Variants in HIPK2 observed in about 807,000 individuals in gnomAD.
HIPK2 encodes homeodomain interacting protein kinase 2.
Under a neutral mutation model 113.7 loss-of-function variants are expected in HIPK2, and 27 were observed. That is an observed-to-expected ratio of 0.24 (90% CI 0.17 to 0.33). The LOEUF is 0.33. HIPK2 is among the 10% of genes least tolerant of loss of function. The probability of loss-of-function intolerance (pLI) is 1.00; values close to 1 mark genes in which losing one functional copy is unlikely to be tolerated. For missense variants in HIPK2, 1,257 were observed against 1,588.0 expected (o/e 0.79, Z 3.54); for synonymous variants, 631 against 642.2 (o/e 0.98, Z 0.26).
intron 1 of HIPK2, among the ~76,000 whole-genome samples, chr7:139,735,904 A>G (rs968305935): frequency 6.6e-6 from 1 of 152,242 alleles, no homozygotes; most frequent in African/African-American, 2.4e-5. Flanking sequence ...TGAAAATAAG[A>G]TAAAACAGGA....
intron 2 of HIPK2, among the ~76,000 whole-genome samples, chr7:139,694,919 A>G (rs1794520474): frequency 2.0e-5 from 3 of 152,200 alleles, no homozygotes; most frequent in Non-Finnish European, 4.4e-5. Context: ...AATATCCTGC[A>G]AAACTGCTGA....
chr7:139,563,973 G>A lies in HIPK2; in HGVS notation c.*8954C>T, dbSNP rs1052944659. 5.0e-6 allele frequency: 2 copies of A among 398,460 alleles called. No individual in the cohort carries two copies. The highest frequency in any genetic ancestry group is 8.8e-6 in the Non-Finnish European group (2 of 226,070). 24.7% of individuals were successfully genotyped at this position (398,460 alleles called of 1,614,324 possible). On this transcript the variant is annotated 3_prime_UTR_variant, in exon 15 of 15. Coordinates refer to ENST00000406875, the MANE Select transcript of HIPK2 (RefSeq NM_022740.5). Reference sequence around the variant, plus strand: ...CAGTCTGTTTCTGCATGACAGTGGGGCCCATTCCTGTCTCGAAGCATCTTC... The same window carrying A: ...CAGTCTGTTTCTGCATGACAGTGGGACCCATTCCTGTCTCGAAGCATCTTC...
At chr7:139,573,471 A>C in intron 14 of HIPK2, 74 bp from the exon 15 acceptor site, 1 of 1,357,800 alleles carries the variant, frequency 7.4e-7, no homozygotes, top group East Asian at 2.3e-5. Flanking sequence ...GAGGGGCAGG[A>C]GGGCAGGGAG....
chr7:139,728,356 C>T lies in HIPK2; in HGVS notation c.20-11341G>A, dbSNP rs188097213. On this transcript the variant is annotated intron_variant, in intron 1 of 14. Transcript: ENST00000406875. ...CTGACTGGGCAGCCTAAACAGCAGA[C>T]GCTGTCTCACAGTTCAAGAAGCTGG... 5.8e-4 allele frequency among the ~76,000 whole-genome samples: 88 copies of T among 152,306 alleles called. 1 individual carries two copies. In the Middle Eastern group the frequency reaches 0.01, roughly 18 times the overall value.
chr7:139,711,940 A>C (rs953221736), intron 2 of HIPK2, among the ~76,000 whole-genome samples: 1 of 152,098 alleles, frequency 6.6e-6, no homozygotes, highest in African/African-American at 2.4e-5. Flanking sequence ...TGTTTCTCAA[A>C]GACTGGTCCT....
intron 2 of HIPK2, among the ~76,000 whole-genome samples, chr7:139,659,259 C>T (rs544251761): frequency 2.6e-5 from 4 of 152,278 alleles, no homozygotes; most frequent in South Asian, 2.1e-4. Flanking sequence ...TTCCCTGCCA[C>T]GCATCACAAT....
At chr7:139,655,918 C>T (rs920552818) in intron 2 of HIPK2, among the ~76,000 whole-genome samples, 1 of 152,144 alleles carries the variant, frequency 6.6e-6, no homozygotes, top group East Asian at 1.9e-4. Context: ...GCTGGAAAGG[C>T]TGCACTCACA....
At chr7:139,741,007 C>T (rs370653877) in intron 1 of HIPK2, among the ~76,000 whole-genome samples, 27 of 152,246 alleles carry the variant, frequency 1.8e-4, no homozygotes, top group African/African-American at 6.3e-4. Flanking sequence ...ATTAGCCGGA[C>T]ATGGTGGCAG....
rs114682766 is a variant in HIPK2, at chr7:139,620,346, C to T, written c.1782+55G>A. 2.0e-3 allele frequency: 3,147 copies of T among 1,595,466 alleles called. 67 individuals carry two copies. The African/African-American group carries it at 0.039, about 20-fold the overall frequency. On this transcript the variant is annotated intron_variant, in intron 7 of 14. Coordinates refer to ENST00000406875, the MANE Select transcript of HIPK2 (RefSeq NM_022740.5). ...ACTAGGTATGATGGAAAATACAAGT[C>T]CTGAGGCTCACACTGTGCAGCCCCG...
At chr7:139,737,664 G>T (rs1268322123) in intron 1 of HIPK2, among the ~76,000 whole-genome samples, 2 of 152,136 alleles carry the variant, frequency 1.3e-5, no homozygotes, top group Non-Finnish European at 2.9e-5. Flanking sequence ...TGCCCCATTG[G>T]TCCTGGGCCG....
At chr7:139,695,402 T>C (rs1794532875) in intron 2 of HIPK2, among the ~76,000 whole-genome samples, 1 of 152,148 alleles carries the variant, frequency 6.6e-6, no homozygotes, top group Non-Finnish European at 1.5e-5. Context: ...CCTTGGGGGC[T>C]CGCCACTCCA....
At chr7:139,594,979 C>G (rs533708570) in intron 12 of HIPK2, among the ~76,000 whole-genome samples, 1 of 152,296 alleles carries the variant, frequency 6.6e-6, no homozygotes, top group Admixed American at 6.5e-5. Context: ...CACGGACATG[C>G]TCTGGCTTTG....
In HIPK2 at chr7:139,572,982, A is replaced by T. The variant is rs1798349240; in HGVS notation, c.3542T>A (p.Val1181Asp). ...GGGGCTCAGTGGGTATCCAGTGTAG[A>T]CGGTGGAGGCTGGCGAGGCGCTGAT... ...TYISASPAST[V>D]YTGYPLSPAK... The change falls in exon 15 of 15, where the codon GTC becomes GAC. Residue 1181 changes from valine to aspartate, a missense_variant. Val to Asp is a radical substitution (Grantham distance 152). Around this residue, in one of 5 missense-constraint regions of HIPK2, gnomAD observed 862 missense variants for 1,004.3 expected, o/e 0.86. Transcript: ENST00000406875. 1 of 1,458,864 alleles carries T rather than the reference A, an allele frequency of 6.9e-7. No homozygotes were observed. The highest frequency in any genetic ancestry group is 9.2e-7 in the Non-Finnish European group (1 of 1,084,864). The allele number at this position is 1,458,864 out of a possible 1,614,324, so 90.4% of individuals were successfully genotyped here.
intron 2 of HIPK2, among the ~76,000 whole-genome samples, chr7:139,670,309 G>T (rs529307375): frequency 1.2e-4 from 19 of 152,208 alleles, no homozygotes; most frequent in Non-Finnish European, 2.6e-4. Flanking sequence ...TGTGGCTGGG[G>T]ATGGTGGCTC....
intron 2 of HIPK2, among the ~76,000 whole-genome samples, chr7:139,666,125 G>A (rs116171238): frequency 6.6e-6 from 1 of 152,154 alleles, no homozygotes; most frequent in African/African-American, 2.4e-5. Flanking sequence ...GGGATGACAT[G>A]GTAGCCTGTT....
rs528661365 is a variant in HIPK2 at position 139,625,088 on chromosome 7, C to T, written c.1619+1513G>A. ...CTTTTCTCCATGAGACCAGCACATA[C>T]GCTGACATCCACATGCCCCTCGTCC... On this transcript the variant is annotated intron_variant, in intron 6 of 14. Transcript: ENST00000406875. Among the ~76,000 whole-genome samples, 25 of 152,348 alleles carry T rather than the reference C, an allele frequency of 1.6e-4. No homozygotes were observed. In the East Asian group the frequency reaches 3.1e-3, roughly 19 times the overall value.
chr7:139,672,542 T>C (rs891281758), intron 2 of HIPK2, among the ~76,000 whole-genome samples: 1 of 152,232 alleles, frequency 6.6e-6, no homozygotes, highest in Non-Finnish European at 1.5e-5. Flanking sequence ...CTCGGCTCAC[T>C]GCAACCTCTG....
rs533260541 is a variant in HIPK2 at position 139,575,592 on chromosome 7, C to T, written c.2966-304G>A. On this transcript the variant is annotated intron_variant, in intron 13 of 14. Transcript: ENST00000406875. The stretch of plus-strand genomic sequence containing the variant: ...GGTGGCCTAAGGCCAGGCCCAGTGC[C>T]GTTCCTCTGGGAGGTGTTACTTTCA... 2.0e-5 allele frequency among the ~76,000 whole-genome samples: 3 copies of T among 152,330 alleles called. No individual in the cohort carries two copies. In the South Asian group the frequency reaches 6.2e-4, roughly 32 times the overall value.
chr7:139,618,751 G>C (rs759258255), intron 7 of HIPK2, among the ~76,000 whole-genome samples: 6 of 152,196 alleles, frequency 3.9e-5, no homozygotes, highest in Admixed American at 6.5e-5. Context: ...GACTCCACTT[G>C]ACATGACGCC....
Sources: allele counts gnomAD v4.1 joint callset (sites outside exome capture counted in the v4.1 genomes callset), GRCh38; gene constraint gnomAD v4.1.1; regional missense constraint gnomAD v4.1.1; transcripts MANE v1.5; gene names NCBI Gene and HGNC (gene_info 2026-07-23, HGNC 2026-07-21).